The following PCDH15 variants were observed in gnomAD, a reference collection of about 807,000 sequenced individuals.
The protein encoded by PCDH15 is protocadherin-15.
A neutral mutation model predicts 178.5 loss-of-function variants in PCDH15; 129 were observed. That is an observed-to-expected ratio of 0.72 (90% CI 0.63 to 0.84). The LOEUF is 0.84. Ranked by LOEUF, PCDH15 falls within the 40% of genes least tolerant of loss-of-function variation. The pLI is 0.00. For missense variants in PCDH15, 2,230 were observed against 2,099.9 expected (o/e 1.06, Z -1.21); for synonymous variants, 800 against 732.0 (o/e 1.09, Z -1.50).
At chr10:55,301,502 C>A (rs148267462) in intron 1 of PCDH15, among the ~76,000 whole-genome samples, 169 of 151,598 alleles carry the variant, frequency 1.1e-3, no homozygotes, top group African/African-American at 3.9e-3. Flanking sequence ...GATGTTAGCC[C>A]CTTATTGTAT....
At chr10:53,831,182 TAGACAGAC>T (rs59637951) in intron 30 of PCDH15, 125 bp downstream of exon 30, 1 of 884,686 alleles carries the variant, frequency 1.1e-6, no homozygotes, top group Non-Finnish European at 1.9e-6. Context: ...TGGTACGAGA[TAGACAGAC>T]AGATAAAGCA....
intron 26 of PCDH15, among the ~76,000 whole-genome samples, chr10:53,886,813 T>A (rs2081135693): frequency 6.6e-6 from 1 of 152,114 alleles, no homozygotes; most frequent in African/African-American, 2.4e-5. Context: ...GCCACACTGT[T>A]TACTTTTTCC....
intron 3 of PCDH15, among the ~76,000 whole-genome samples, chr10:54,520,037 C>T (rs1333895580): frequency 6.6e-6 from 1 of 152,138 alleles, no homozygotes; most frequent in Non-Finnish European, 1.5e-5. Context: ...TGGATCCCTT[C>T]CTTACACCTT....
intron 8 of PCDH15, among the ~76,000 whole-genome samples, chr10:54,278,516 T>C (rs1223198138): frequency 6.6e-6 from 1 of 151,648 alleles, no homozygotes; most frequent in African/African-American, 2.4e-5. Flanking sequence ...TCCCTCATAT[T>C]TCACTATTAA....
intron 3 of PCDH15, among the ~76,000 whole-genome samples, chr10:54,847,634 C>T (rs1200970949): frequency 6.6e-6 from 1 of 152,088 alleles, no homozygotes; most frequent in Non-Finnish European, 1.5e-5. Flanking sequence ...GTTTTATCTG[C>T]TCTGTGATAA....
chr10:54,825,606 G>T (rs1315544726), intron 3 of PCDH15, among the ~76,000 whole-genome samples: 1 of 149,816 alleles, frequency 6.7e-6, no homozygotes, highest in Non-Finnish European at 1.5e-5. Flanking sequence ...GTTTTGATTT[G>T]CATTTCTCTG....
intron 18 of PCDH15, among the ~76,000 whole-genome samples, chr10:54,050,704 T>C (rs983845092): frequency 6.6e-5 from 10 of 152,178 alleles, no homozygotes; most frequent in African/African-American, 2.2e-4. Flanking sequence ...GATGTATGTA[T>C]TTAGCACTAT....
intron 3 of PCDH15, among the ~76,000 whole-genome samples, chr10:54,843,860 G>A (rs1953460413): frequency 6.6e-6 from 1 of 151,926 alleles, no homozygotes. Context: ...CATGACAAAT[G>A]GCAATGAACA....
At chr10:55,060,584 A>T in intron 2 of PCDH15, among the ~76,000 whole-genome samples, 1 of 152,012 alleles carries the variant, frequency 6.6e-6, no homozygotes, top group East Asian at 1.9e-4. Context: ...TAGATAATTC[A>T]TATTTCTCTG....
intron 15 of PCDH15, among the ~76,000 whole-genome samples, chr10:54,115,183 C>T (rs1201367519): frequency 6.6e-6 from 1 of 151,974 alleles, no homozygotes; most frequent in Admixed American, 6.6e-5. Context: ...TTTATTGATT[C>T]ATTGGTGACA....
intron 1 of PCDH15, among the ~76,000 whole-genome samples, chr10:55,237,919 T>G (rs1003599137): frequency 6.6e-6 from 1 of 151,950 alleles, no homozygotes; most frequent in Non-Finnish European, 1.5e-5. Context: ...ATCTTTTTTC[T>G]TGATGAAAAT....
intron 1 of PCDH15, among the ~76,000 whole-genome samples, chr10:55,175,714 A>AAAGAAAAAAGAAAAAGT (rs1839467334): frequency 6.6e-6 from 1 of 151,200 alleles, no homozygotes; most frequent in Non-Finnish European, 1.5e-5. Flanking sequence ...AAAGAAAAAG[A>AAAGAAAAAAGAAAAAGT]AAAGAAAAGA....
intron 1 of PCDH15, among the ~76,000 whole-genome samples, chr10:55,240,870 C>CA (rs1841522628): frequency 6.6e-6 from 1 of 152,068 alleles, no homozygotes; most frequent in South Asian, 2.1e-4. Flanking sequence ...CTCTCAAAAC[C>CA]AAAAAATTGA....
intron 2 of PCDH15, among the ~76,000 whole-genome samples, chr10:54,646,515 C>T (rs543209574): frequency 4.1e-4 from 63 of 152,126 alleles, no homozygotes; most frequent in African/African-American, 1.5e-3. Flanking sequence ...CATCATTTTC[C>T]TAAAGTTCCA....
intron 17 of PCDH15, among the ~76,000 whole-genome samples, chr10:54,069,821 T>TA (rs923581705): frequency 2.0e-5 from 3 of 152,186 alleles, no homozygotes; most frequent in African/African-American, 7.2e-5. Context: ...TGTTCAAGCT[T>TA]AAAAATTAGC....
At chr10:54,564,861 T>A (rs912448240) in intron 2 of PCDH15, among the ~76,000 whole-genome samples, 1 of 152,324 alleles carries the variant, frequency 6.6e-6, no homozygotes, top group Admixed American at 6.5e-5. Flanking sequence ...TATTGTTTAT[T>A]TCTATATTAT....
chr10:54,914,382 T>C (rs530463140), intron 2 of PCDH15, among the ~76,000 whole-genome samples: 18 of 152,310 alleles, frequency 1.2e-4, no homozygotes, highest in African/African-American at 4.3e-4. Flanking sequence ...TCTGCAATGA[T>C]TGTAAGTTTT....
intron 2 of PCDH15, among the ~76,000 whole-genome samples, chr10:55,402,830 T>C (rs1208844018): frequency 6.6e-6 from 1 of 152,014 alleles, no homozygotes; most frequent in Non-Finnish European, 1.5e-5. Flanking sequence ...TTCTTTTGGA[T>C]AAATACCCAG....
chr10:54,825,370 G>A (rs556408376), intron 3 of PCDH15, among the ~76,000 whole-genome samples: 17 of 139,300 alleles, frequency 1.2e-4, no homozygotes, highest in African/African-American at 4.6e-4. Flanking sequence ...ATGATTTATA[G>A]TCCTTTGGGT....
Sources: gnomAD v4.1 joint callset for allele counts (sites outside exome capture counted in the v4.1 genomes callset) on GRCh38, gnomAD v4.1.1 for gene constraint, MANE v1.5 for transcripts, NCBI Gene and HGNC (gene_info 2026-07-23, HGNC 2026-07-21) for gene names.